SSBP2: variants seen among roughly 807,000 people sequenced by gnomAD.
SSBP2 encodes single stranded DNA binding protein 2, also known as single-stranded DNA-binding protein 2.
A neutral mutation model predicts 61.8 loss-of-function variants in SSBP2; 17 were observed. The ratio of observed to expected loss-of-function variants is 0.28; its 90% CI spans 0.19 to 0.41. The LOEUF is 0.41. Ranked by LOEUF, SSBP2 falls within the 10% of genes least tolerant of loss-of-function variation. The pLI is 1.00. For missense variants in SSBP2, 310 were observed against 458.7 expected, an observed-to-expected ratio of 0.68 and a Z score of 2.96; for synonymous variants, 139 against 141.3, an observed-to-expected ratio of 0.98 and a Z score of 0.12.
At chr5:81,598,261 T>C (rs1156771319) in intron 4 of SSBP2, among the ~76,000 whole-genome samples, 5 of 152,006 alleles carry the variant, frequency 3.3e-5, no homozygotes, top group Non-Finnish European at 5.9e-5. Context: ...GGAACAATGA[T>C]AGGAATTACC....
intron 1 of SSBP2, among the ~76,000 whole-genome samples, chr5:81,742,063 T>C (rs185290042): frequency 6.2e-4 from 95 of 152,350 alleles, no homozygotes; most frequent in African/African-American, 2.1e-3. Context: ...CCTAGCTGCA[T>C]AAGTCAATTT....
chr5:81,656,719 G>T, intron 1 of SSBP2, among the ~76,000 whole-genome samples: 1 of 139,076 alleles, frequency 7.2e-6, no homozygotes, highest in Non-Finnish European at 1.6e-5. Context: ...TGGCCTGTAA[G>T]TAACTCCAAA....
chr5:81,434,251 A>T (rs1218842571), intron 15 of SSBP2, among the ~76,000 whole-genome samples: 1 of 152,198 alleles, frequency 6.6e-6, no homozygotes, highest in Non-Finnish European at 1.5e-5. Context: ...CACAACATTT[A>T]AAATGGAGTA....
chr5:81,478,673 GT>G (rs1343550748), intron 6 of SSBP2, among the ~76,000 whole-genome samples: 1 of 152,044 alleles, frequency 6.6e-6, no homozygotes, highest in African/African-American at 2.4e-5. Context: ...GTATCACTAT[GT>G]TGCTCAGGCA....
At chr5:81,515,254 T>G (rs1324110195) in intron 4 of SSBP2, among the ~76,000 whole-genome samples, 1 of 152,044 alleles carries the variant, frequency 6.6e-6, no homozygotes, top group Non-Finnish European at 1.5e-5. Context: ...AAAGATTTGA[T>G]CTATATCTTT....
chr5:81,447,320 T>A (rs1403754209), intron 11 of SSBP2, among the ~76,000 whole-genome samples: 1 of 152,228 alleles, frequency 6.6e-6, no homozygotes, highest in African/African-American at 2.4e-5. Context: ...TGAAGATATC[T>A]GCTTATTGAT....
intron 3 of SSBP2, among the ~76,000 whole-genome samples, chr5:81,623,418 C>T (rs1746820570): frequency 6.7e-6 from 1 of 148,328 alleles, no homozygotes. Flanking sequence ...TCACTGCAAG[C>T]TCTGCCTCCC....
At chr5:81,715,541 T>C (rs1052303082) in intron 1 of SSBP2, among the ~76,000 whole-genome samples, 5 of 152,192 alleles carry the variant, frequency 3.3e-5, no homozygotes, top group African/African-American at 4.8e-5. Flanking sequence ...ACCAATGATA[T>C]GTTCATAGAA....
chr5:81,721,103 T>C (rs1262423978), intron 1 of SSBP2, among the ~76,000 whole-genome samples: 2 of 152,116 alleles, frequency 1.3e-5, no homozygotes, highest in Non-Finnish European at 2.9e-5. Context: ...AGAGCCACAA[T>C]AGTAGGAAAC....
chr5:81,671,097 C>T (rs1751548583), intron 1 of SSBP2, among the ~76,000 whole-genome samples: 1 of 152,062 alleles, frequency 6.6e-6, no homozygotes, highest in South Asian at 2.1e-4. Context: ...GACACAGGGT[C>T]CACAACTCTA....
chr5:81,733,960 C>T (rs1756432225), intron 1 of SSBP2, among the ~76,000 whole-genome samples: 1 of 152,036 alleles, frequency 6.6e-6, no homozygotes, highest in African/African-American at 2.4e-5. Context: ...ATCAGCCTTG[C>T]AATTATATGA....
intron 4 of SSBP2, among the ~76,000 whole-genome samples, chr5:81,588,506 A>T (rs1775247352): frequency 6.6e-6 from 1 of 152,128 alleles, no homozygotes; most frequent in African/African-American, 2.4e-5. Flanking sequence ...CAATTCAGCC[A>T]AGATGTTCAG....
chr5:81,535,843 C>T (rs536555505), intron 4 of SSBP2, among the ~76,000 whole-genome samples: 1 of 151,512 alleles, frequency 6.6e-6, no homozygotes, highest in Admixed American at 6.6e-5. Flanking sequence ...TCAAGATGAC[C>T]TTTAAGATAC....
intron 4 of SSBP2, among the ~76,000 whole-genome samples, chr5:81,539,449 T>C (rs1056926046): frequency 6.6e-6 from 1 of 152,136 alleles, no homozygotes; most frequent in Non-Finnish European, 1.5e-5. Context: ...ATAAACTGAG[T>C]TGATAAAGCA....
chr5:81,544,993 T>C (rs1368009485), intron 4 of SSBP2, among the ~76,000 whole-genome samples: 1 of 152,188 alleles, frequency 6.6e-6, no homozygotes, highest in Non-Finnish European at 1.5e-5. Flanking sequence ...GGTAGGACTA[T>C]GTGAAGGAAG....
At chr5:81,425,610 T>A (rs139983744) in intron 16 of SSBP2, among the ~76,000 whole-genome samples, 1 of 151,454 alleles carries the variant, frequency 6.6e-6, no homozygotes, top group Non-Finnish European at 1.5e-5. Context: ...TGAAAAACTA[T>A]TTTTTTTGAA....
chr5:81,471,417 G>C (rs1765236713), intron 8 of SSBP2, among the ~76,000 whole-genome samples: 1 of 151,780 alleles, frequency 6.6e-6, no homozygotes, highest in African/African-American at 2.4e-5. Flanking sequence ...TGAAAAATAA[G>C]TGAATAAATA....
At chr5:81,474,198 A>C (rs1010633744) in intron 7 of SSBP2, among the ~76,000 whole-genome samples, 1 of 152,212 alleles carries the variant, frequency 6.6e-6, no homozygotes, top group Non-Finnish European at 1.5e-5. Context: ...AGAAATAATA[A>C]GTGATATTAT....
intron 4 of SSBP2, among the ~76,000 whole-genome samples, chr5:81,591,425 A>C (rs969174317): frequency 6.6e-6 from 1 of 152,214 alleles, no homozygotes; most frequent in Non-Finnish European, 1.5e-5. Flanking sequence ...CAAAAACCAC[A>C]CACTGTCAAC....
Sources: allele counts gnomAD v4.1 joint callset (sites outside exome capture counted in the v4.1 genomes callset), GRCh38; gene constraint gnomAD v4.1.1; transcripts MANE v1.5; gene names NCBI Gene and HGNC (gene_info 2026-07-23, HGNC 2026-07-21).